Variants in PLEKHM3 observed in about 807,000 individuals in gnomAD.
PLEKHM3 encodes pleckstrin homology domain-containing family M member 3.
PLEKHM3 carries 45 observed loss-of-function variants against 81.8 expected under a neutral mutation model. The ratio of observed to expected loss-of-function variants is 0.55; its 90% confidence interval spans 0.43 to 0.71. The LOEUF is 0.71. Ranked by LOEUF, PLEKHM3 falls within the 30% of genes least tolerant of loss-of-function variation. PLEKHM3 has a pLI of 0.00. For missense variants in PLEKHM3, 788 were observed against 924.3 expected (o/e 0.85, Z 1.91); for synonymous variants, 352 against 356.4 (o/e 0.99, Z 0.14).
chr2:208,003,752 T>C (rs898418907), intron 1 of PLEKHM3, among the ~76,000 whole-genome samples: 4 of 152,226 alleles, frequency 2.6e-5, no homozygotes, highest in Non-Finnish European at 5.9e-5. Flanking sequence ...AACAGGGTTT[T>C]AGTGCTTCTG....
intron 5 of PLEKHM3, among the ~76,000 whole-genome samples, chr2:207,920,355 T>C (rs1259333578): frequency 6.6e-6 from 1 of 152,188 alleles, no homozygotes; most frequent in East Asian, 1.9e-4. Flanking sequence ...TTTACATTTA[T>C]ACCGTAATGG....
intron 6 of PLEKHM3, among the ~76,000 whole-genome samples, chr2:207,882,108 A>G (rs2092594568): frequency 6.6e-6 from 1 of 152,190 alleles, no homozygotes; most frequent in Non-Finnish European, 1.5e-5. Context: ...ATTTAAGGAG[A>G]GCAAAACATA....
intron 1 of PLEKHM3, among the ~76,000 whole-genome samples, chr2:208,007,882 CA>C: frequency 6.6e-6 from 1 of 152,152 alleles, no homozygotes; most frequent in East Asian, 1.9e-4. Flanking sequence ...GGTGAAACCT[CA>C]TCTACTAAAA....
intron 5 of PLEKHM3, among the ~76,000 whole-genome samples, chr2:207,917,942 A>C (rs922056815): frequency 2.0e-5 from 3 of 152,194 alleles, no homozygotes; most frequent in Non-Finnish European, 4.4e-5. Flanking sequence ...TCTCTGTATT[A>C]GATAATCCTT....
intron 6 of PLEKHM3, among the ~76,000 whole-genome samples, chr2:207,882,209 C>T (rs2092595084): frequency 6.6e-6 from 1 of 152,176 alleles, no homozygotes; most frequent in African/African-American, 2.4e-5. Context: ...GCAAGGGCTA[C>T]TTGAGCTTTT....
At chr2:207,942,334 C>T (rs1280180420) in intron 4 of PLEKHM3, among the ~76,000 whole-genome samples, 3 of 151,932 alleles carry the variant, frequency 2.0e-5, no homozygotes, top group Admixed American at 6.6e-5. Flanking sequence ...ATGGTGAAAC[C>T]CTGACTCTTT....
At chr2:208,015,493 A>G (rs1692874504) in intron 1 of PLEKHM3, among the ~76,000 whole-genome samples, 1 of 152,152 alleles carries the variant, frequency 6.6e-6, no homozygotes, top group African/African-American at 2.4e-5. Context: ...AATCACCTCT[A>G]TAATACTTCT....
At chr2:207,834,596 T>C (rs1286606346) in intron 7 of PLEKHM3, among the ~76,000 whole-genome samples, 1 of 151,988 alleles carries the variant, frequency 6.6e-6, no homozygotes, top group Non-Finnish European at 1.5e-5. Context: ...TGGCTAATTT[T>C]GTATTTTTAG....
At chr2:207,983,225 G>T (rs1395369146) in intron 2 of PLEKHM3, among the ~76,000 whole-genome samples, 1 of 151,866 alleles carries the variant, frequency 6.6e-6, no homozygotes, top group Non-Finnish European at 1.5e-5. Flanking sequence ...CTAATTTTTT[G>T]TATTTTTAGT....
chr2:207,865,201 G>C (rs2092488955), intron 6 of PLEKHM3, among the ~76,000 whole-genome samples: 1 of 152,032 alleles, frequency 6.6e-6, no homozygotes, highest in South Asian at 2.1e-4. Flanking sequence ...AGTTTATAGT[G>C]AATGACTCAT....
At chr2:207,948,066 T>C (rs1690194206) in intron 3 of PLEKHM3, among the ~76,000 whole-genome samples, 1 of 152,164 alleles carries the variant, frequency 6.6e-6, no homozygotes. Flanking sequence ...TGGCTATTTC[T>C]TTACTATTGA....
At chr2:207,977,756 G>C (rs1691370124) in intron 2 of PLEKHM3, among the ~76,000 whole-genome samples, 170 bp from the exon 3 acceptor site, 1 of 152,174 alleles carries the variant, frequency 6.6e-6, no homozygotes, top group African/African-American at 2.4e-5. Context: ...GTACCTAACT[G>C]GCAAGAAATA....
At chr2:208,024,493 A>G (rs1574501606) in intron 1 of PLEKHM3, among the ~76,000 whole-genome samples, 1 of 152,234 alleles carries the variant, frequency 6.6e-6, no homozygotes, top group African/African-American at 2.4e-5. Flanking sequence ...ACAAATGTCT[A>G]CTGATATTTT....
At position 208,024,145 on chromosome 2, in the gene PLEKHM3, A is replaced by AATAAAATAAAATAAG. The variant is rs1444262437; in HGVS notation, c.-319+1243_-319+1244insCTTATTTTATTTTAT. ...ATGACAGAGTAAGACCCTGTCTCAA[A>AATAAAATAAAATAAG]ATAAAATAAAATAAAATAAAATAAA... On this transcript the variant is annotated intron_variant, in intron 1 of 7. Transcript: ENST00000427836. 6.5e-4 allele frequency among the ~76,000 whole-genome samples: 91 copies of AATAAAATAAAATAAG among 139,422 alleles called. No homozygotes were observed. In the Middle Eastern group the frequency reaches 0.014, roughly 21 times the overall value. The allele number at this position is 139,422 out of a possible 152,430, so 91.5% of individuals were successfully genotyped here.
intron 5 of PLEKHM3, 120 bp downstream of exon 5, chr2:207,930,806 G>C: frequency 9.0e-7 from 1 of 1,111,142 alleles, no homozygotes; most frequent in East Asian, 2.4e-5. Flanking sequence ...GAGAGGCGGA[G>C]GGCGAGCCAC....
Position 207,976,629 on chromosome 2 carries a change from A to T in PLEKHM3, c.1546+22T>A. ...TCAGGATTGTTCTTTAATGAGCTAT[A>T]GGCTGAAAATCTGCTTCATACCTGC... On this transcript the variant is annotated intron_variant, in intron 3 of 7. Coordinates refer to ENST00000427836, the MANE Select transcript of PLEKHM3 (RefSeq NM_001080475.3). The surrounding 1 kb of genome is among the most constrained non-coding windows in gnomAD (Gnocchi z 4.1). The T allele has an allele frequency of 6.3e-7, 1 of 1,598,196 alleles. No homozygotes were observed. Among genetic ancestry groups the T allele is most frequent in the South Asian group, 1.1e-5 (1 of 88,072 alleles).
intron 7 of PLEKHM3, among the ~76,000 whole-genome samples, chr2:207,833,495 T>G (rs901448088): frequency 1.4e-5 from 2 of 145,058 alleles, no homozygotes; most frequent in African/African-American, 5.2e-5. Context: ...GGTTTTTCTG[T>G]TTTTTTTTTT....
intron 6 of PLEKHM3, among the ~76,000 whole-genome samples, chr2:207,863,153 G>T (rs1446047015): frequency 6.6e-6 from 1 of 152,246 alleles, no homozygotes; most frequent in Non-Finnish European, 1.5e-5. Context: ...CCAAGGCCAT[G>T]CTTGGTGCAT....
chr2:207,877,968 C>T (rs752190421), intron 6 of PLEKHM3, among the ~76,000 whole-genome samples: 8 of 152,254 alleles, frequency 5.3e-5, no homozygotes, highest in East Asian at 3.9e-4. Context: ...CAGGGACTCC[C>T]TCTGTCATCC....
Sources: allele counts gnomAD v4.1 joint callset (sites outside exome capture counted in the v4.1 genomes callset), GRCh38; gene constraint gnomAD v4.1.1; non-coding constraint Gnocchi (gnomAD v3.1); transcripts MANE v1.5; gene names NCBI Gene and HGNC (gene_info 2026-07-23, HGNC 2026-07-21).